DCC: variants seen among roughly 807,000 people sequenced by gnomAD.
The protein encoded by DCC is netrin receptor DCC.
In DCC, 58 loss-of-function variants were observed where a neutral mutation model predicts 172.5. The observed-to-expected ratio is 0.34, with a 90% CI of 0.27 to 0.42. The LOEUF (loss-of-function observed/expected upper bound fraction) is 0.42, where lower values mean the gene tolerates loss of function less well. Among genes scored for constraint, DCC ranks in the 10% least tolerant of loss-of-function variants. The pLI is 1.00. For synonymous variants in DCC, 709 were observed against 644.5 expected, an observed-to-expected ratio of 1.10 and a Z score of -1.52; for missense variants, 1,740 against 1,791.0, an observed-to-expected ratio of 0.97 and a Z score of 0.51.
At chr18:53,340,378 C>T (rs777528078) in intron 15 of DCC, among the ~76,000 whole-genome samples, 1 of 152,086 alleles carries the variant, frequency 6.6e-6, no homozygotes, top group Non-Finnish European at 1.5e-5. Flanking sequence ...TTACCGTTAA[C>T]ATTCCAAATA....
At chr18:52,973,411 C>T (rs897992317) in intron 5 of DCC, among the ~76,000 whole-genome samples, 9 of 151,972 alleles carry the variant, frequency 5.9e-5, no homozygotes, top group Admixed American at 2.0e-4. Flanking sequence ...TTTCAAATTG[C>T]GGCATGTACA....
Position 53,226,948 on chromosome 18 carries a change from A to ATATATATATATATATTTTTTTTTTTTTTT in DCC, c.1911+11352_1911+11353insATATATATATATATTTTTTTTTTTTTTTT. ...TGTGTGTGTGTGTATATATATATAT[A>ATATATATATATATATTTTTTTTTTTTTTT]TTTTTTTTTTTTTTTTTTTGAGGCA... On this transcript the variant is annotated intron_variant, in intron 12 of 28. Transcript: ENST00000442544. Among the ~76,000 whole-genome samples the ATATATATATATATATTTTTTTTTTTTTTT allele has an allele frequency of 1.3e-3, 69 of 52,890 alleles. 2 individuals are homozygous for ATATATATATATATATTTTTTTTTTTTTTT. Among genetic ancestry groups the ATATATATATATATATTTTTTTTTTTTTTT allele is most frequent in the Non-Finnish European group, 1.9e-3 (47 of 24,830 alleles). The allele number at this position is 52,890 out of a possible 152,430, so 34.7% of individuals were successfully genotyped here.
In DCC at chr18:53,435,223, T is replaced by C. The variant is rs1344275808; in HGVS notation, c.3229+14T>C. On this transcript the variant is annotated intron_variant, in intron 22 of 28. Transcript: ENST00000442544. ...GCACCCTAAATGGTAAGTATATAAA[T>C]TAGGTAATATTGAATTAGTTATATT... 2 of 1,491,554 alleles carry C rather than the reference T, an allele frequency of 1.3e-6. No individual in the cohort carries two copies. The highest frequency in any genetic ancestry group is 3.3e-5 in the Admixed American group (2 of 59,852). 92.4% of individuals were successfully genotyped at this position (1,491,554 alleles called of 1,614,324 possible).
intron 1 of DCC, among the ~76,000 whole-genome samples, chr18:52,707,805 A>G (rs2036233306): frequency 1.3e-5 from 2 of 152,222 alleles, no homozygotes; most frequent in Admixed American, 6.5e-5. Flanking sequence ...GGAATCAAAA[A>G]AGACAAACTC....
At position 53,175,721 on chromosome 18, in the gene DCC, G is replaced by A. The variant is rs1238803613; in HGVS notation, c.1419-3241G>A. Among the ~76,000 whole-genome samples, 256 of 152,060 alleles carry A rather than the reference G, an allele frequency of 1.7e-3. 1 individual carries two copies. The highest frequency in any genetic ancestry group is 5.8e-3 in the African/African-American group (240 of 41,476). On this transcript the variant is annotated intron_variant, in intron 8 of 28. Transcript: ENST00000442544. The stretch of plus-strand genomic sequence containing the variant: ...GAACATTCCATGCTCATGGGTAGGA[G>A]GAATCAATATCGTGAAAATGGCCAT...
intron 7 of DCC, among the ~76,000 whole-genome samples, chr18:53,088,236 C>T (rs1365893232): frequency 6.6e-6 from 1 of 152,184 alleles, no homozygotes; most frequent in Non-Finnish European, 1.5e-5. Flanking sequence ...TACGCATGAG[C>T]ATGGAATGTT....
intron 7 of DCC, among the ~76,000 whole-genome samples, chr18:53,129,280 C>A (rs895851680): frequency 3.3e-5 from 5 of 151,988 alleles, no homozygotes; most frequent in Non-Finnish European, 7.4e-5. Flanking sequence ...AAGTTTTCTA[C>A]CCTCGCACTT....
intron 5 of DCC, among the ~76,000 whole-genome samples, chr18:53,060,333 T>G (rs567183822): frequency 6.6e-6 from 1 of 152,208 alleles, no homozygotes; most frequent in East Asian, 1.9e-4. Context: ...AGACTTAGAC[T>G]CATTTCTGAT....
At position 53,391,922 on chromosome 18, in the gene DCC, G is replaced by T. The variant is rs565424692; in HGVS notation, c.2688+35G>T. On this transcript the variant is annotated intron_variant, in intron 17 of 28. Coordinates refer to ENST00000442544, the MANE Select transcript of DCC (RefSeq NM_005215.4). ...TAATTGATAGCATGAAATTTAAAAT[G>T]AACTGACATTTGTTTAACACATTGT... 3.2e-6 allele frequency: 4 copies of T among 1,231,936 alleles called. No homozygotes were observed. The South Asian group carries it at 4.8e-5, about 15-fold the overall frequency. 76.3% of individuals were successfully genotyped at this position (1,231,936 alleles called of 1,614,324 possible).
At chr18:53,293,665 T>C (rs1322831593) in intron 12 of DCC, among the ~76,000 whole-genome samples, 1 of 152,094 alleles carries the variant, frequency 6.6e-6, no homozygotes, top group Non-Finnish European at 1.5e-5. Context: ...TTTGCCTCCC[T>C]TTTTGTGTCC....
chr18:53,513,096 G>A (rs1411501413), intron 27 of DCC, among the ~76,000 whole-genome samples: 7 of 152,172 alleles, frequency 4.6e-5, no homozygotes, highest in African/African-American at 1.7e-4. Context: ...AAGCCCATCG[G>A]ACTAACAGCT....
chr18:52,398,361 C>G (rs960726714), intron 1 of DCC, among the ~76,000 whole-genome samples: 1 of 151,990 alleles, frequency 6.6e-6, no homozygotes, highest in Non-Finnish European at 1.5e-5. Flanking sequence ...GTTCATTCCA[C>G]TCTCATCTGT....
chr18:53,409,310 G>T (rs753064567), intron 19 of DCC, among the ~76,000 whole-genome samples: 16 of 152,172 alleles, frequency 1.1e-4, no homozygotes, highest in Non-Finnish European at 1.6e-4. Context: ...AAGGTCCCCA[G>T]TCCAGCTGGG....
intron 11 of DCC, 144 bp from the exon 12 acceptor site, chr18:53,215,404 T>C: frequency 1.4e-6 from 1 of 721,290 alleles, no homozygotes; most frequent in Non-Finnish European, 2.5e-6. Context: ...TCTCCAAAAA[T>C]TTTTGAAGTA....
intron 1 of DCC, among the ~76,000 whole-genome samples, chr18:52,741,525 C>T (rs564888434): frequency 6.6e-6 from 1 of 152,280 alleles, no homozygotes; most frequent in South Asian, 2.1e-4. Context: ...TTGTGACAAC[C>T]AGAAATGCCT....
chr18:53,344,493 A>C (rs2057700150), intron 15 of DCC, among the ~76,000 whole-genome samples: 1 of 120,862 alleles, frequency 8.3e-6, no homozygotes, highest in Non-Finnish European at 1.6e-5. Flanking sequence ...CCCAGGCTGG[A>C]GTGCAGTGGT....
At chr18:53,074,470 G>A (rs1194995585) in intron 7 of DCC, among the ~76,000 whole-genome samples, 2 of 152,088 alleles carry the variant, frequency 1.3e-5, no homozygotes, top group African/African-American at 4.8e-5. Flanking sequence ...ATAAGCCTTG[G>A]TAATTAATTG....
Position 52,903,245 on chromosome 18 carries a change from G to A in DCC, c.413-2799G>A, listed in dbSNP as rs528843987. ...TTTTGAGACAGGTTCTCACTCTCTT[G>A]CCCAGGCTACAGTGCAGTGGCACAG... On this transcript the variant is annotated intron_variant, in intron 2 of 28. Transcript: ENST00000442544. Among the ~76,000 whole-genome samples, 90 of 152,170 alleles carry A rather than the reference G, an allele frequency of 5.9e-4. 1 individual carries two copies. Among genetic ancestry groups the A allele is most frequent in the Admixed American group, 2.4e-3 (36 of 15,280 alleles).
chr18:52,851,264 G>A (rs971052151), intron 2 of DCC, among the ~76,000 whole-genome samples: 1 of 151,986 alleles, frequency 6.6e-6, no homozygotes, highest in East Asian at 1.9e-4. Flanking sequence ...ATCATTCTTG[G>A]TGTTTATTCA....
Sources: allele counts gnomAD v4.1 joint callset (sites outside exome capture counted in the v4.1 genomes callset), GRCh38; gene constraint gnomAD v4.1.1; transcripts MANE v1.5; gene names NCBI Gene and HGNC (gene_info 2026-07-23, HGNC 2026-07-21).